The following CUL3 variants were observed in gnomAD, a reference collection of about 807,000 sequenced individuals.
The protein encoded by CUL3 is cullin-3.
CUL3 carries 19 observed loss-of-function variants against 89.1 expected under a neutral mutation model. That is an observed-to-expected ratio of 0.21 (90% confidence interval 0.15 to 0.31). The LOEUF is 0.31. CUL3 is among the 10% of genes least tolerant of loss of function. CUL3 has a pLI of 1.00. For synonymous variants in CUL3, 351 were observed against 308.4 expected (o/e 1.14, Z -1.45); for missense variants, 469 against 942.3 (o/e 0.50, Z 6.58).
intron 2 of CUL3, among the ~76,000 whole-genome samples, chr2:224,546,242 A>G (rs1694291028): frequency 6.6e-6 from 1 of 152,186 alleles, no homozygotes; most frequent in South Asian, 2.1e-4. Flanking sequence ...AAACATACAC[A>G]AAGCATGACA....
chr2:224,561,464 AGT>A lies in CUL3; in HGVS notation c.67-3610_67-3609del, dbSNP rs879536912. Reference sequence around the variant, plus strand: ...AAGGAGTAGGCAAAATAGTTATTTTAGTCACCCTGGCAGTAAAATACCAGCTC... The same window carrying A: ...AAGGAGTAGGCAAAATAGTTATTTTACACCCTGGCAGTAAAATACCAGCTC... On this transcript the variant is annotated intron_variant, in intron 1 of 15. Transcript: ENST00000264414. 0.012 allele frequency among the ~76,000 whole-genome samples: 1,806 copies of A among 152,348 alleles called. 79 individuals are homozygous for A. In the East Asian group the frequency reaches 0.12, roughly 10 times the overall value.
chr2:224,530,550 GT>G (rs1693660579), intron 3 of CUL3, among the ~76,000 whole-genome samples: 1 of 152,110 alleles, frequency 6.6e-6, no homozygotes, highest in African/African-American at 2.4e-5. Flanking sequence ...GCATATGTTT[GT>G]CAAAAATCAT....
intron 15 of CUL3, among the ~76,000 whole-genome samples, chr2:224,476,884 C>A (rs978233608): frequency 3.3e-5 from 5 of 152,170 alleles, no homozygotes; most frequent in African/African-American, 1.2e-4. Flanking sequence ...TAATACTACT[C>A]TCTCTGCCCT....
chr2:224,546,163 A>G (rs1245335004), intron 2 of CUL3, among the ~76,000 whole-genome samples: 2 of 152,224 alleles, frequency 1.3e-5, no homozygotes, highest in African/African-American at 4.8e-5. Flanking sequence ...TATACATTAA[A>G]AGCTATTATT....
intron 1 of CUL3, among the ~76,000 whole-genome samples, chr2:224,570,650 G>GA (rs138997266): frequency 2.4e-3 from 366 of 150,678 alleles, no homozygotes; most frequent in African/African-American, 8.3e-3. Context: ...CAAGGAAAAA[G>GA]AAAAAAAAAG....
rs559395895 is a variant in CUL3, at chr2:224,550,772, C to T, written c.264+6887G>A. Reference sequence around the variant, plus strand: ...TAACTGTCACTACACTAGTGTAAATCATCACTGTTATTCACCTGAATTTCT... The same window carrying T: ...TAACTGTCACTACACTAGTGTAAATTATCACTGTTATTCACCTGAATTTCT... On this transcript the variant is annotated intron_variant, in intron 2 of 15. Coordinates refer to ENST00000264414, the MANE Select transcript of CUL3 (RefSeq NM_003590.5). Among the ~76,000 whole-genome samples, 11 of 152,322 alleles carry T rather than the reference C, an allele frequency of 7.2e-5. No homozygotes were observed. The South Asian group carries it at 2.3e-3, about 32-fold the overall frequency.
chr2:224,541,757 A>G (rs886116257), intron 2 of CUL3, among the ~76,000 whole-genome samples: 7 of 152,244 alleles, frequency 4.6e-5, no homozygotes, highest in Admixed American at 4.6e-4. Flanking sequence ...AGTTTGGATC[A>G]ATCTCAAAAT....
At chr2:224,488,971 T>A (rs1691848910) in intron 13 of CUL3, among the ~76,000 whole-genome samples, 1 of 152,190 alleles carries the variant, frequency 6.6e-6, no homozygotes, top group Admixed American at 6.5e-5. Flanking sequence ...TGCAAATCAA[T>A]AAACGTAATC....
chr2:224,490,625 G>T (rs1190221083), intron 13 of CUL3, among the ~76,000 whole-genome samples: 1 of 151,784 alleles, frequency 6.6e-6, no homozygotes. Context: ...ACCCTACAGG[G>T]TGATGGGTGC....
At chr2:224,537,936 T>C (rs577151285) in intron 2 of CUL3, among the ~76,000 whole-genome samples, 1 of 152,148 alleles carries the variant, frequency 6.6e-6, no homozygotes, top group Non-Finnish European at 1.5e-5. Context: ...CACTGATTTG[T>C]ACATTTTATA....
intron 11 of CUL3, among the ~76,000 whole-genome samples, chr2:224,498,715 G>C (rs1388806895): frequency 1.3e-5 from 2 of 152,168 alleles, no homozygotes; most frequent in African/African-American, 2.4e-5. Flanking sequence ...CAGTTGACCA[G>C]GGTGAAGCAG....
chr2:224,585,144 G>C lies in CUL3; in HGVS notation c.-135C>G. 2.0e-6 allele frequency: 1 copy of C among 506,468 alleles called. No individual in the cohort carries two copies. Among genetic ancestry groups the C allele is most frequent in the South Asian group, 7.3e-5 (1 of 13,662 alleles). 31.4% of individuals were successfully genotyped at this position (506,468 alleles called of 1,614,324 possible). On this transcript the variant is annotated 5_prime_UTR_variant, in exon 1 of 16. Coordinates refer to ENST00000264414, the MANE Select transcript of CUL3 (RefSeq NM_003590.5). Reference sequence around the variant, plus strand: ...GACCCCCGGGCAGGGCTGGGGAGCTGGCCGGCCCCTGGGCAGCCGCGGCGG... The same window carrying C: ...GACCCCCGGGCAGGGCTGGGGAGCTCGCCGGCCCCTGGGCAGCCGCGGCGG...
At chr2:224,522,001 A>C (rs986128611) in intron 3 of CUL3, among the ~76,000 whole-genome samples, 1 of 152,008 alleles carries the variant, frequency 6.6e-6, no homozygotes, top group East Asian at 1.9e-4. Flanking sequence ...AAATCTTTAT[A>C]AATATTAAAT....
chr2:224,555,725 C>T (rs766762736), intron 2 of CUL3, among the ~76,000 whole-genome samples: 1 of 152,176 alleles, frequency 6.6e-6, no homozygotes, highest in Non-Finnish European at 1.5e-5. Flanking sequence ...CATGGAATGC[C>T]TTCCACCACA....
chr2:224,566,125 T>C (rs1481258558), intron 1 of CUL3, among the ~76,000 whole-genome samples: 4 of 152,200 alleles, frequency 2.6e-5, no homozygotes, highest in Non-Finnish European at 5.9e-5. Context: ...GGATACCACT[T>C]CAACACCTTC....
rs1481436854 is a variant in CUL3 at position 224,581,412 on chromosome 2, G to C, written c.66+3532C>G. Among the ~76,000 whole-genome samples, 4 of 151,478 alleles carry C rather than the reference G, an allele frequency of 2.6e-5. No homozygotes were observed. The East Asian group carries it at 7.8e-4, about 29-fold the overall frequency. ...TTCCATCTCAAAAAAAAAAAAAAGA[G>C]GTGATTATGTGTTAGCTTGATGGTA... On this transcript the variant is annotated intron_variant, in intron 1 of 15. Coordinates refer to ENST00000264414, the MANE Select transcript of CUL3 (RefSeq NM_003590.5).
chr2:224,506,079 G>A lies in CUL3; in HGVS notation c.1083C>T (p.Asn361=). The change falls in exon 8 of 16, where the codon AAC becomes AAT. Residue 361 remains asparagine, a synonymous_variant. Coordinates refer to ENST00000264414, the MANE Select transcript of CUL3 (RefSeq NM_003590.5). ...TAGTTTGTTTAAAGAGACGGTCATTGTTGAATGATTCCAGGAGGAAGCGAT... is the reference window on the plus strand; with the variant it reads ...TAGTTTGTTTAAAGAGACGGTCATTATTGAATGATTCCAGGAGGAAGCGAT... The part of the protein sequence containing the change: ...RFDRFLLESF[N]NDRLFKQTIA... 1 of 1,612,578 alleles carries A rather than the reference G, an allele frequency of 6.2e-7. No homozygotes were observed. The highest frequency in any genetic ancestry group is 8.5e-7 in the Non-Finnish European group (1 of 1,179,184).
At chr2:224,551,678 C>G (rs1694522981) in intron 2 of CUL3, among the ~76,000 whole-genome samples, 1 of 152,146 alleles carries the variant, frequency 6.6e-6, no homozygotes, top group Non-Finnish European at 1.5e-5. Flanking sequence ...TACTGGAATA[C>G]TGCCATGTTC....
At chr2:224,517,164 T>C (rs1693085321) in intron 3 of CUL3, among the ~76,000 whole-genome samples, 1 of 152,206 alleles carries the variant, frequency 6.6e-6, no homozygotes, top group African/African-American at 2.4e-5. Flanking sequence ...CATATAAGTA[T>C]ATATTGTACA....
Sources: gnomAD v4.1 joint callset for allele counts (sites outside exome capture counted in the v4.1 genomes callset) on GRCh38, gnomAD v4.1.1 for gene constraint, MANE v1.5 for transcripts, NCBI Gene and HGNC (gene_info 2026-07-23, HGNC 2026-07-21) for gene names.